STAU1: variants seen among roughly 807,000 people sequenced by gnomAD.
The protein encoded by STAU1 is staufen double-stranded RNA binding protein 1, also known as double-stranded RNA-binding protein Staufen homolog 1.
STAU1 carries 13 observed loss-of-function variants against 62.9 expected under a neutral mutation model. The ratio of observed to expected loss-of-function variants is 0.21; its 90% CI spans 0.13 to 0.33. STAU1 has a LOEUF of 0.33. Ranked by LOEUF, STAU1 falls within the 10% of genes least tolerant of loss-of-function variation. STAU1 has a pLI of 1.00. For missense variants in STAU1, 571 were observed against 712.1 expected (o/e 0.80, Z 2.25); for synonymous variants, 269 against 265.1 (o/e 1.01, Z -0.14).
At chr20:49,127,822 G>A (rs144435524) in intron 6 of STAU1, among the ~76,000 whole-genome samples, 1 of 152,164 alleles carries the variant, frequency 6.6e-6, no homozygotes, top group African/African-American at 2.4e-5. Flanking sequence ...AGACCAGCCT[G>A]GGCAACATGG....
In STAU1 at chr20:49,117,449, A is replaced by G. The variant is rs1163573305; in HGVS notation, c.1510-201T>C. ...CTGCTCAGAAGCCCAAGACTGGGAG[A>G]AGCCATATCCTTTCCTACCAGACAG... On this transcript the variant is annotated intron_variant, in intron 11 of 13. Transcript: ENST00000371856. The surrounding 1 kb of genome is among the most constrained non-coding windows in gnomAD (Gnocchi z 4.6). Among the ~76,000 whole-genome samples the G allele has an allele frequency of 2.6e-5, 4 of 152,196 alleles. No homozygotes were observed. Among genetic ancestry groups the G allele is most frequent in the Non-Finnish European group, 4.4e-5 (3 of 68,032 alleles).
chr20:49,122,943 AAATAAAT>A, intron 8 of STAU1, 142 bp downstream of exon 8: 1 of 632,306 alleles, frequency 1.6e-6, no homozygotes, highest in African/African-American at 1.9e-5. Flanking sequence ...ATAAATAAAT[AAATAAAT>A]AAATAAGGAT....
chr20:49,216,046 AAG>A, the STAU1 span, among the ~76,000 whole-genome samples: 5 of 146,774 alleles, frequency 3.4e-5, no homozygotes, highest in Admixed American at 6.8e-5. Flanking sequence ...GAAGAAGAAG[AAG>A]AAAAAAAAAG....
chr20:49,206,388 C>G, the STAU1 span, among the ~76,000 whole-genome samples: 1 of 147,768 alleles, frequency 6.8e-6, no homozygotes, highest in African/African-American at 2.5e-5. Context: ...GTCCACTCAA[C>G]TCTTCCTCTT....
chr20:49,153,710 C>CAAAAAAAAAAA (rs145558067), intron 4 of STAU1, among the ~76,000 whole-genome samples: 12 of 67,608 alleles, frequency 1.8e-4, no homozygotes, highest in South Asian at 5.7e-4. Context: ...GACTCTGTCT[C>CAAAAAAAAAAA]AAAAAAAAAA....
intron 1 of STAU1, among the ~76,000 whole-genome samples, chr20:49,180,544 G>A (rs1054688466): frequency 6.6e-6 from 1 of 152,126 alleles, no homozygotes; most frequent in Non-Finnish European, 1.5e-5. Flanking sequence ...GGCTGGTCTC[G>A]AACTCCTGAC....
chr20:49,153,727 A>G (rs59085568), intron 4 of STAU1, among the ~76,000 whole-genome samples: 23 of 58,796 alleles, frequency 3.9e-4, no homozygotes, highest in South Asian at 5.3e-4. Flanking sequence ...AAAAAAAAAA[A>G]AAAAAAAAAA....
chr20:49,176,643 A>AGC (rs1387096242), intron 1 of STAU1, among the ~76,000 whole-genome samples: 13 of 152,314 alleles, frequency 8.5e-5, no homozygotes, highest in African/African-American at 3.1e-4. Context: ...CTTTTCATAG[A>AGC]TAGTATATTA....
At chr20:49,158,626 A>G (rs2093401088) in intron 3 of STAU1, 1 of 680,668 alleles carries the variant, frequency 1.5e-6, no homozygotes, top group South Asian at 1.6e-5. Flanking sequence ...CCTGGCCTAC[A>G]TAGTGAAACC....
chr20:49,139,814 A>G (rs1445510950), intron 5 of STAU1, among the ~76,000 whole-genome samples: 2 of 152,132 alleles, frequency 1.3e-5, no homozygotes, highest in African/African-American at 2.4e-5. Context: ...GTTTTTGGAT[A>G]TGGAGAAATG....
At chr20:49,203,675 T>C in the STAU1 span, among the ~76,000 whole-genome samples, 1 of 152,198 alleles carries the variant, frequency 6.6e-6, no homozygotes, top group Admixed American at 6.5e-5. Flanking sequence ...TAAAATGCTA[T>C]ATATTTTTAT....
chr20:49,135,940 A>G lies in STAU1; in HGVS notation c.511-9T>C, dbSNP rs751603771. The G allele has an allele frequency of 2.5e-6, 4 of 1,605,418 alleles. No individual in the cohort carries two copies. The highest frequency in any genetic ancestry group is 3.4e-6 in the Non-Finnish European group (4 of 1,173,460). On this transcript the variant is annotated splice_polypyrimidine_tract_variant and intron_variant, in intron 5 of 13. Coordinates refer to ENST00000371856, the MANE Select transcript of STAU1 (RefSeq NM_017453.4). ...GATTCTCTTCCATTCACCTGTAAGAATAATTGTTTAGTAGTTAGCTCTTAT... is the reference window on the plus strand; with the variant it reads ...GATTCTCTTCCATTCACCTGTAAGAGTAATTGTTTAGTAGTTAGCTCTTAT...
At chr20:49,170,675 A>G (rs1377399538) in intron 2 of STAU1, among the ~76,000 whole-genome samples, 4 of 152,190 alleles carry the variant, frequency 2.6e-5, no homozygotes, top group African/African-American at 4.8e-5. Context: ...TTTAATAAGT[A>G]ATTTTTAAAC....
intron 13 of STAU1, among the ~76,000 whole-genome samples, chr20:49,115,520 T>TAGG (rs1057063354): frequency 2.0e-5 from 3 of 152,096 alleles, no homozygotes; most frequent in African/African-American, 7.2e-5. Flanking sequence ...AGGCTGGTCT[T>TAGG]AAACACCTGA....
At chr20:49,150,099 G>C (rs1235207096) in intron 5 of STAU1, among the ~76,000 whole-genome samples, 1 of 152,180 alleles carries the variant, frequency 6.6e-6, no homozygotes, top group Non-Finnish European at 1.5e-5. Context: ...CTCTATCTGT[G>C]ATAAGATTCT....
the STAU1 span, among the ~76,000 whole-genome samples, chr20:49,198,891 A>G: frequency 6.6e-6 from 1 of 152,108 alleles, no homozygotes; most frequent in Non-Finnish European, 1.5e-5. Context: ...TGAACCCAGG[A>G]GGCAGAGGTT....
intron 13 of STAU1, 52 bp downstream of exon 13, chr20:49,115,730 C>T (rs995899675): frequency 8.1e-6 from 12 of 1,478,226 alleles, no homozygotes; most frequent in East Asian, 4.5e-5. Flanking sequence ...TCAACACAAA[C>T]GAGGGGCAGC....
At chr20:49,219,234 A>G in the STAU1 span, 1 of 991,424 alleles carries the variant, frequency 1.0e-6, no homozygotes. Context: ...GAATTTGCTT[A>G]CCTAAAAAGC....
At chr20:49,171,500 C>T (rs2093596623) in intron 2 of STAU1, among the ~76,000 whole-genome samples, 1 of 152,174 alleles carries the variant, frequency 6.6e-6, no homozygotes, top group African/African-American at 2.4e-5. Flanking sequence ...GGGGTTTCAC[C>T]GTGGTCTCTA....
Sources: gnomAD v4.1 joint callset for allele counts (sites outside exome capture counted in the v4.1 genomes callset) on GRCh38, gnomAD v4.1.1 for gene constraint, Gnocchi (gnomAD v3.1) non-coding constraint, MANE v1.5 for transcripts, NCBI Gene and HGNC (gene_info 2026-07-23, HGNC 2026-07-21) for gene names.